Variants in CATSPERT observed in about 807,000 individuals in gnomAD.
The protein encoded by CATSPERT is cation channel sperm-associated targeting subunit tau.
the CATSPERT span, among the ~76,000 whole-genome samples, chr2:201,500,101 A>G: frequency 1.3e-5 from 2 of 152,078 alleles, no homozygotes; most frequent in African/African-American, 2.4e-5. Context: ...CTATCAAAAG[A>G]GCTACATCTT....
the CATSPERT span, among the ~76,000 whole-genome samples, chr2:201,614,421 A>G: frequency 6.6e-6 from 1 of 152,242 alleles, no homozygotes; most frequent in Non-Finnish European, 1.5e-5. Flanking sequence ...TTTTAAAGAA[A>G]AGAATTTTCA....
chr2:201,507,128 A>T, the CATSPERT span, among the ~76,000 whole-genome samples: 15 of 152,252 alleles, frequency 9.9e-5, no homozygotes, highest in South Asian at 2.1e-4. Flanking sequence ...CTTTAAAAAA[A>T]TTCAAGAGAA....
At chr2:201,519,411 TAC>T in the CATSPERT span, among the ~76,000 whole-genome samples, 1 of 152,056 alleles carries the variant, frequency 6.6e-6, no homozygotes, top group African/African-American at 2.4e-5. Flanking sequence ...ACGTGACTAT[TAC>T]ACCAGATATG....
At chr2:201,525,008 A>T in the CATSPERT span, among the ~76,000 whole-genome samples, 2 of 152,220 alleles carry the variant, frequency 1.3e-5, no homozygotes, top group African/African-American at 4.8e-5. Context: ...ATAACCACAC[A>T]AAAACAGTGG....
chr2:201,540,171 G>A, the CATSPERT span, among the ~76,000 whole-genome samples: 41 of 152,310 alleles, frequency 2.7e-4, 1 homozygote, highest in East Asian at 2.9e-3. Flanking sequence ...ATGTTGGTTC[G>A]TGAGGTTTAA....
At chr2:201,494,233 C>T in the CATSPERT span, 3 of 1,536,588 alleles carry the variant, frequency 2.0e-6, no homozygotes, top group Non-Finnish European at 2.6e-6. Context: ...ACTTTTCTCT[C>T]TTGCTTCACT....
the CATSPERT span, among the ~76,000 whole-genome samples, chr2:201,498,208 AAGAG>A: frequency 6.6e-6 from 1 of 152,280 alleles, no homozygotes; most frequent in South Asian, 2.1e-4. Context: ...AAGCTGGAGA[AAGAG>A]AGAAGCCAGT....
At chr2:201,546,103 C>T in the CATSPERT span, among the ~76,000 whole-genome samples, 1 of 151,970 alleles carries the variant, frequency 6.6e-6, no homozygotes, top group African/African-American at 2.4e-5. Context: ...TTAAAAAGAA[C>T]CCTAAGTTCT....
chr2:201,501,287 A>G, the CATSPERT span, among the ~76,000 whole-genome samples: 1 of 150,712 alleles, frequency 6.6e-6, no homozygotes, highest in Non-Finnish European at 1.5e-5. Flanking sequence ...AATCCTAGCT[A>G]CTCAGGAGGC....
chr2:201,603,901 T>C, the CATSPERT span, among the ~76,000 whole-genome samples: 1 of 152,142 alleles, frequency 6.6e-6, no homozygotes, highest in African/African-American at 2.4e-5. Context: ...ACAACAGAAA[T>C]ATTATATTAA....
the CATSPERT span, among the ~76,000 whole-genome samples, chr2:201,599,107 C>T: frequency 1.3e-5 from 2 of 152,132 alleles, no homozygotes; most frequent in East Asian, 3.9e-4. Context: ...TCTGATACTT[C>T]CCCTGTGGCC....
the CATSPERT span, chr2:201,534,515 T>C: frequency 1.9e-5 from 19 of 982,552 alleles, no homozygotes; most frequent in Non-Finnish European, 2.3e-5. Context: ...AAAGAGCTCA[T>C]TATAAAACCT....
chr2:201,554,499 T>G, the CATSPERT span: 1 of 152,156 alleles, frequency 6.6e-6, no homozygotes, highest in Non-Finnish European at 1.5e-5. Flanking sequence ...TTCATCAAAT[T>G]ATTCCTCTTA....
chr2:201,501,989 T>C, the CATSPERT span, among the ~76,000 whole-genome samples: 562 of 152,238 alleles, frequency 3.7e-3, 4 homozygotes, highest in African/African-American at 0.013. Flanking sequence ...TTATGTGAGA[T>C]AGAGACAAGC....
chr2:201,544,536 TTC>T, the CATSPERT span, among the ~76,000 whole-genome samples: 7 of 122,634 alleles, frequency 5.7e-5, no homozygotes, highest in Non-Finnish European at 1.1e-4. Context: ...CTGCCACACT[TTC>T]TTTTTCACAC....
At chr2:201,575,732 C>A in the CATSPERT span, among the ~76,000 whole-genome samples, 1 of 152,168 alleles carries the variant, frequency 6.6e-6, no homozygotes, top group South Asian at 2.1e-4. Context: ...AGGGCTCCCA[C>A]TGATTCTACG....
At chr2:201,598,888 T>G in the CATSPERT span, among the ~76,000 whole-genome samples, 1 of 152,042 alleles carries the variant, frequency 6.6e-6, no homozygotes, top group Non-Finnish European at 1.5e-5. Flanking sequence ...GCCAACCACC[T>G]CCTAATCTAA....
At chr2:201,517,717 T>A in the CATSPERT span, among the ~76,000 whole-genome samples, 2 of 152,222 alleles carry the variant, frequency 1.3e-5, no homozygotes, top group Non-Finnish European at 2.9e-5. Context: ...GGGGCCAGGA[T>A]GTCCGTGTTC....
chr2:201,566,520 G>A, the CATSPERT span, among the ~76,000 whole-genome samples: 3 of 151,914 alleles, frequency 2.0e-5, no homozygotes, highest in East Asian at 5.8e-4. Context: ...CCATGTCCCT[G>A]CAAAGGACAT....
Sources: allele counts gnomAD v4.1 joint callset (sites outside exome capture counted in the v4.1 genomes callset), GRCh38; gene constraint gnomAD v4.1.1; transcripts MANE v1.5; gene names NCBI Gene and HGNC (gene_info 2026-07-23, HGNC 2026-07-21).